PRRG1: variants seen among roughly 807,000 people sequenced by gnomAD.
PRRG1 encodes proline rich and Gla domain 1.
A neutral mutation model predicts 11.8 loss-of-function variants in PRRG1; 5 were observed. The ratio of observed to expected loss-of-function variants is 0.42; its 90% CI spans 0.22 to 0.89. The LOEUF (loss-of-function observed/expected upper bound fraction) is 0.89, where lower values mean the gene tolerates loss of function less well. PRRG1 is among the 40% of genes least tolerant of loss of function. The pLI is 0.28. For synonymous variants in PRRG1, 66 were observed against 60.4 expected (o/e 1.09, Z -0.43); for missense variants, 155 against 166.1 (o/e 0.93, Z 0.37).
At chrX:37,440,271 A>C in intron 3 of PRRG1, among the ~76,000 whole-genome samples, 1 of 111,906 alleles carries the variant, frequency 8.9e-6, no homozygotes. Context: ...TTTCATTAGC[A>C]TCATACCATG....
intron 1 of PRRG1, among the ~76,000 whole-genome samples, chrX:37,352,731 C>T (rs1930108843): frequency 9.0e-6 from 1 of 111,575 alleles, no homozygotes; most frequent in South Asian, 3.8e-4. Flanking sequence ...ACTTTTCTTT[C>T]CGAGCATTAG....
chrX:37,361,817 T>G (rs979588543), intron 1 of PRRG1, among the ~76,000 whole-genome samples: 3 of 112,133 alleles, frequency 2.7e-5, no homozygotes, highest in Middle Eastern at 4.2e-3. Flanking sequence ...GCATTCCAAT[T>G]TTGTAAAAAA....
intron 3 of PRRG1, among the ~76,000 whole-genome samples, chrX:37,428,229 A>C (rs1296270082): frequency 9.0e-6 from 1 of 111,088 alleles, no homozygotes; most frequent in African/African-American, 3.3e-5. Flanking sequence ...AAAATGAATC[A>C]TGCCTTCCCA....
At chrX:37,390,861 G>T (rs1269898108) in intron 1 of PRRG1, among the ~76,000 whole-genome samples, 16 of 112,180 alleles carry the variant, frequency 1.4e-4, no homozygotes, top group African/African-American at 5.2e-4. Flanking sequence ...ACTGGCTAAA[G>T]CCTCAGGCAT....
intron 1 of PRRG1, among the ~76,000 whole-genome samples, chrX:37,362,950 T>A: frequency 8.9e-6 from 1 of 112,023 alleles, no homozygotes; most frequent in East Asian, 2.8e-4. Context: ...TAGTGATTGT[T>A]CGTTATTCAG....
At chrX:37,430,891 A>G (rs1387629185) in intron 3 of PRRG1, among the ~76,000 whole-genome samples, 1 of 111,924 alleles carries the variant, frequency 8.9e-6, no homozygotes, top group Non-Finnish European at 1.9e-5. Flanking sequence ...CTACCCTTTA[A>G]TAGTCACACC....
At chrX:37,386,248 A>G (rs960609911) in intron 1 of PRRG1, among the ~76,000 whole-genome samples, 4 of 112,397 alleles carry the variant, frequency 3.6e-5, no homozygotes, top group African/African-American at 9.7e-5. Flanking sequence ...TCTACTCAAT[A>G]CATTGTGGAC....
At chrX:37,363,166 T>A (rs1360321547) in intron 1 of PRRG1, among the ~76,000 whole-genome samples, 3 of 111,856 alleles carry the variant, frequency 2.7e-5, no homozygotes, top group African/African-American at 9.7e-5. Context: ...GTTCAAAGAG[T>A]TTAAGTGCCC....
chrX:37,402,172 C>T (rs1157895205), intron 1 of PRRG1, among the ~76,000 whole-genome samples: 2 of 111,164 alleles, frequency 1.8e-5, no homozygotes, highest in Admixed American at 9.5e-5. Flanking sequence ...GAGCCCGCAT[C>T]ACCAAGTCAA....
intron 1 of PRRG1, among the ~76,000 whole-genome samples, chrX:37,373,451 A>T (rs889582917): frequency 3.6e-5 from 4 of 111,929 alleles, no homozygotes; most frequent in African/African-American, 1.3e-4. Flanking sequence ...CCATTTATTC[A>T]TGACTTTTCC....
intron 1 of PRRG1, among the ~76,000 whole-genome samples, chrX:37,382,712 C>A (rs1931191245): frequency 1.2e-5 from 1 of 86,717 alleles, no homozygotes; most frequent in African/African-American, 9.3e-5. Flanking sequence ...CTTTTTAATT[C>A]AATAGATTTT....
intron 1 of PRRG1, among the ~76,000 whole-genome samples, chrX:37,388,123 T>C (rs188700027): frequency 0.028 from 3,077 of 111,795 alleles, 104 homozygotes; most frequent in African/African-American, 0.094. Flanking sequence ...AGGCGTGGGT[T>C]CCCAAGGCCT....
chrX:37,413,348 G>C (rs1474384150), intron 2 of PRRG1, among the ~76,000 whole-genome samples: 2 of 110,515 alleles, frequency 1.8e-5, no homozygotes, highest in Non-Finnish European at 3.8e-5. Flanking sequence ...GGCAATCACT[G>C]ATCTTTTTAT....
chrX:37,406,846 G>A (rs1021222178), intron 2 of PRRG1, among the ~76,000 whole-genome samples: 4 of 111,275 alleles, frequency 3.6e-5, no homozygotes, highest in Admixed American at 9.6e-5. Context: ...AGCCACCACA[G>A]GGACTTCATA....
At chrX:37,422,329 C>T (rs1160610881) in intron 2 of PRRG1, among the ~76,000 whole-genome samples, 1 of 111,955 alleles carries the variant, frequency 8.9e-6, no homozygotes, top group Non-Finnish European at 1.9e-5. Flanking sequence ...AACAAGGAAG[C>T]CAATAATCCT....
At chrX:37,430,021 C>T (rs781910965) in intron 3 of PRRG1, among the ~76,000 whole-genome samples, 1 of 111,943 alleles carries the variant, frequency 8.9e-6, no homozygotes, top group Non-Finnish European at 1.9e-5. Context: ...ATTACCTCCC[C>T]CAGGCCCCTC....
chrX:37,442,303 T>C (rs1231366554), intron 3 of PRRG1: 2 of 659,460 alleles, frequency 3.0e-6, no homozygotes, highest in Non-Finnish European at 3.6e-6. Flanking sequence ...AGGCTTAAAG[T>C]AGGTATCCAG....
chrX:37,370,300 G>A (rs1320836266), intron 1 of PRRG1, among the ~76,000 whole-genome samples: 1 of 112,327 alleles, frequency 8.9e-6, no homozygotes, highest in Non-Finnish European at 1.9e-5. Context: ...CAATGAACAT[G>A]TGAGTTAAGA....
At chrX:37,448,298 C>G (rs1920995751) in intron 3 of PRRG1, among the ~76,000 whole-genome samples, 1 of 112,198 alleles carries the variant, frequency 8.9e-6, no homozygotes, top group South Asian at 3.8e-4. Flanking sequence ...TGGTTACACC[C>G]TGTGTAAATG....
Sources: gnomAD v4.1 joint callset for allele counts (sites outside exome capture counted in the v4.1 genomes callset) on GRCh38, gnomAD v4.1.1 for gene constraint, MANE v1.5 for transcripts, NCBI Gene and HGNC (gene_info 2026-07-23, HGNC 2026-07-21) for gene names.